Variants in DLGAP2 observed in about 807,000 individuals in gnomAD.
DLGAP2 encodes disks large-associated protein 2.
A neutral mutation model predicts 100.3 loss-of-function variants in DLGAP2; 26 were observed. The observed-to-expected ratio is 0.26, with a 90% CI of 0.19 to 0.36. DLGAP2 has a LOEUF of 0.36. DLGAP2 is among the 10% of genes least tolerant of loss of function. The pLI, the probability that DLGAP2 is intolerant of heterozygous loss-of-function variation, is 1.00. For synonymous variants in DLGAP2, 886 were observed against 630.1 expected, an observed-to-expected ratio of 1.41 and a Z score of -6.08; for missense variants, 1,858 against 1,453.2, an observed-to-expected ratio of 1.28 and a Z score of -4.53.
At chr8:1,486,547 G>A (rs1188828407) in intron 3 of DLGAP2, among the ~76,000 whole-genome samples, 1 of 152,162 alleles carries the variant, frequency 6.6e-6, no homozygotes, top group Admixed American at 6.5e-5. Context: ...CAATCAAAGG[G>A]GGAATTTCTC....
chr8:1,574,899 G>A (rs1802897212), intron 6 of DLGAP2, among the ~76,000 whole-genome samples: 1 of 152,214 alleles, frequency 6.6e-6, no homozygotes, highest in Admixed American at 6.5e-5. Context: ...TACCTAATGA[G>A]TCTTGAAGAT....
chr8:1,529,613 A>G (rs1292212337), intron 4 of DLGAP2, among the ~76,000 whole-genome samples: 1 of 152,272 alleles, frequency 6.6e-6, no homozygotes, highest in South Asian at 2.1e-4. Context: ...CGAGTTGCCA[A>G]AAATTCCAGA....
At chr8:871,397 C>G (rs992482598) in intron 1 of DLGAP2, among the ~76,000 whole-genome samples, 5 of 152,196 alleles carry the variant, frequency 3.3e-5, no homozygotes, top group Non-Finnish European at 5.9e-5. Context: ...CGAGTTTTGT[C>G]AAATCTGACA....
chr8:1,557,586 G>A (rs769853501), intron 5 of DLGAP2, among the ~76,000 whole-genome samples: 2 of 152,096 alleles, frequency 1.3e-5, no homozygotes, highest in African/African-American at 2.4e-5. Context: ...TGGGTGGTGC[G>A]TGAGTCAGCT....
intron 2 of DLGAP2, among the ~76,000 whole-genome samples, chr8:953,558 G>C (rs960086953): frequency 1.3e-5 from 2 of 152,174 alleles, no homozygotes; most frequent in Non-Finnish European, 2.9e-5. Context: ...AATACTTTCA[G>C]TTGTTTTTCT....
chr8:1,326,690 C>T (rs929885168), intron 3 of DLGAP2, among the ~76,000 whole-genome samples: 3 of 152,228 alleles, frequency 2.0e-5, no homozygotes, highest in Admixed American at 2.0e-4. Flanking sequence ...CAGGAGCTTT[C>T]CATTTGGGAA....
chr8:1,421,093 A>G (rs1371204173), intron 3 of DLGAP2, among the ~76,000 whole-genome samples: 1 of 152,240 alleles, frequency 6.6e-6, no homozygotes, highest in East Asian at 1.9e-4. Flanking sequence ...ACAAGTCACT[A>G]GTAGAAAATA....
Sources: allele counts gnomAD v4.1 joint callset (sites outside exome capture counted in the v4.1 genomes callset), GRCh38; gene constraint gnomAD v4.1.1; transcripts MANE v1.5; gene names NCBI Gene and HGNC (gene_info 2026-07-23, HGNC 2026-07-21).